The following TGIF1 variants were observed in gnomAD, a reference collection of about 807,000 sequenced individuals.
TGIF1 encodes the protein TGFB induced factor homeobox 1.
A neutral mutation model predicts 19.3 loss-of-function variants in TGIF1; 4 were observed. The observed-to-expected ratio is 0.21, with a 90% CI of 0.10 to 0.47. The LOEUF (loss-of-function observed/expected upper bound fraction) is 0.47, where lower values mean the gene tolerates loss of function less well. TGIF1 is among the 20% of genes least tolerant of loss of function. The pLI is 0.98. For missense variants in TGIF1, 275 were observed against 341.4 expected (o/e 0.81, Z 1.53); for synonymous variants, 122 against 129.3 (o/e 0.94, Z 0.38).
intron 1 of TGIF1, among the ~76,000 whole-genome samples, chr18:3,454,679 T>C (rs1451778882): frequency 6.6e-6 from 1 of 152,204 alleles, no homozygotes; most frequent in African/African-American, 2.4e-5. Context: ...AAAACCTTTT[T>C]AAAAACTTAA....
rs2049466066 is a variant in TGIF1 at position 3,459,861 on chromosome 18, A to G, written c.*1921A>G. On this transcript the variant is annotated 3_prime_UTR_variant, in exon 3 of 3. Transcript: ENST00000343820. Reference sequence around the variant, plus strand: ...TGAATGTAATCCATTATTTAAAAACAGGTACATTTAAGTGAAAAGATAAAT... The same window carrying G: ...TGAATGTAATCCATTATTTAAAAACGGGTACATTTAAGTGAAAAGATAAAT... The G allele has an allele frequency of 6.6e-6, 1 of 152,262 alleles. No homozygotes were observed. The highest frequency in any genetic ancestry group is 2.4e-5 in the African/African-American group (1 of 41,470). The allele number at this position is 152,262 out of a possible 1,614,324, so 9.4% of individuals were successfully genotyped here. A position where few individuals can be genotyped will look rare whatever the true frequency, so the allele number is the denominator to read the frequency against.
intron 2 of TGIF1, chr18:3,418,940 C>T (rs2082366601): frequency 6.6e-6 from 1 of 152,192 alleles, no homozygotes. Context: ...TGCCTGTAAT[C>T]CCATCTACTC....
chr18:3,451,342 C>T lies in TGIF1; in HGVS notation c.16+837C>T, dbSNP rs1005707094. The T allele has an allele frequency of 1.0e-6, 1 of 984,992 alleles. No homozygotes were observed. 61.0% of individuals were successfully genotyped at this position (984,992 alleles called of 1,614,324 possible). Reference sequence around the variant, plus strand: ...AGTTTGGTTTAAAAACAAAATACACCGGAGGGGGACGGGGGGTGGAGAAAC... The same window carrying T: ...AGTTTGGTTTAAAAACAAAATACACTGGAGGGGGACGGGGGGTGGAGAAAC... On this transcript the variant is annotated intron_variant, in intron 1 of 2. Transcript: ENST00000343820. This position sits in a 1 kb window ranked among gnomAD's most constrained non-coding sequence, Gnocchi z 5.4.
intron 1 of TGIF1, among the ~76,000 whole-genome samples, chr18:3,417,726 A>G (rs904281712): frequency 6.6e-6 from 1 of 152,330 alleles, no homozygotes; most frequent in East Asian, 1.9e-4. Flanking sequence ...AATTATTAAG[A>G]AATATGTTAT....
At chr18:3,430,016 C>T (rs2082526414) in intron 2 of TGIF1, among the ~76,000 whole-genome samples, 2 of 152,060 alleles carry the variant, frequency 1.3e-5, no homozygotes, top group African/African-American at 2.4e-5. Flanking sequence ...ATTAGCCAGG[C>T]GTGGTGGTGG....
At chr18:3,454,244 C>T (rs1042182975) in intron 1 of TGIF1, among the ~76,000 whole-genome samples, 1 of 152,168 alleles carries the variant, frequency 6.6e-6, no homozygotes, top group African/African-American at 2.4e-5. Flanking sequence ...TCTGAAAGAT[C>T]AGGCTTCTTG....
At chr18:3,439,417 G>A (rs1408926777) in intron 2 of TGIF1, among the ~76,000 whole-genome samples, 3 of 147,888 alleles carry the variant, frequency 2.0e-5, no homozygotes, top group South Asian at 2.2e-4. Context: ...GCAGATCTCG[G>A]CTCACCGCAA....
At chr18:3,448,448 G>C, upstream of TGIF1, 1 of 992,710 alleles carries the variant, frequency 1.0e-6, no homozygotes, top group Admixed American at 5.6e-5. Flanking sequence ...CTGCAGCCAG[G>C]TCCGGGAAGG....
intron 2 of TGIF1, chr18:3,418,579 A>C (rs1235099298): frequency 6.6e-6 from 1 of 152,234 alleles, no homozygotes; most frequent in Non-Finnish European, 1.5e-5. Context: ...GTACAGATGC[A>C]ACTATAGTAG....
rs535063283 is a variant in TGIF1, at chr18:3,458,750, G to T, written c.*810G>T. 1 of 152,266 alleles carries T rather than the reference G, an allele frequency of 6.6e-6. No individual in the cohort carries two copies. The highest frequency in any genetic ancestry group is 2.1e-4 in the South Asian group (1 of 4,824). The allele number at this position is 152,266 out of a possible 1,614,324, so 9.4% of individuals were successfully genotyped here. On this transcript the variant is annotated 3_prime_UTR_variant, in exon 3 of 3. Coordinates refer to ENST00000343820, the MANE Select transcript of TGIF1 (RefSeq NM_003244.4). ...TATAAAGAAAAGTCTTGAAGCATCC[G>T]GTTATTGCTGAGTTTTCAGAAGAAA...
intron 2 of TGIF1, among the ~76,000 whole-genome samples, chr18:3,429,789 AT>A (rs112808084): frequency 0.022 from 3,329 of 152,370 alleles, 119 homozygotes; most frequent in African/African-American, 0.075. Flanking sequence ...CAGAATCCAC[AT>A]TGCAACTAAC....
intron 2 of TGIF1, among the ~76,000 whole-genome samples, chr18:3,422,689 T>TTG (rs1568029587): frequency 3.7e-5 from 5 of 136,378 alleles, no homozygotes; most frequent in African/African-American, 1.3e-4. Context: ...TTTTTTTTTT[T>TTG]TTTTTTTTTT....
In TGIF1 at chr18:3,428,028, A is replaced by G. The variant is rs181183529; in HGVS notation, c.-45+9813A>G. On this transcript the variant is annotated intron_variant, in intron 2 of 3. Transcript: ENST00000401449. ...TCAGGTGGCCCATGAGGTTAAAACT[A>G]TTTTCCAAATAATGCATTGTTTGCC... Among the ~76,000 whole-genome samples the G allele has an allele frequency of 5.9e-5, 9 of 152,236 alleles. No individual in the cohort carries two copies. The East Asian group carries it at 1.2e-3, about 20-fold the overall frequency.
At chr18:3,447,022 T>A (rs563994346), upstream of TGIF1, among the ~76,000 whole-genome samples, 3 of 152,240 alleles carry the variant, frequency 2.0e-5, no homozygotes, top group Non-Finnish European at 4.4e-5. Flanking sequence ...TAAGTGCGTT[T>A]ATTAGTACAC....
intron 1 of TGIF1, among the ~76,000 whole-genome samples, chr18:3,416,080 T>C (rs944510558): frequency 6.6e-6 from 1 of 152,244 alleles, no homozygotes; most frequent in African/African-American, 2.4e-5. Context: ...CAAACTGGAA[T>C]GTAGAAACCA....
intron 1 of TGIF1, among the ~76,000 whole-genome samples, chr18:3,414,010 A>G (rs7229546): frequency 0.77 from 117,657 of 151,990 alleles, 45,683 homozygotes; most frequent in Admixed American, 0.82. Context: ...GAAAAAACAA[A>G]CCCAGTGAGA....
chr18:3,456,832 A>G lies in TGIF1; in HGVS notation c.243+252A>G, dbSNP rs549989504. On this transcript the variant is annotated intron_variant, in intron 2 of 2. Transcript: ENST00000343820. This position sits in a 1 kb window ranked among gnomAD's most constrained non-coding sequence, Gnocchi z 4.2. ...CTTCCTTTATGCAACAGACATTAAA[A>G]GGAGGTTAAACCTTACTCTATTGTC... 1.6e-6 allele frequency: 1 copy of G among 625,080 alleles called. No individual in the cohort carries two copies. Among genetic ancestry groups the G allele is most frequent in the African/African-American group, 1.8e-5 (1 of 54,588 alleles). 38.7% of individuals were successfully genotyped at this position (625,080 alleles called of 1,614,324 possible).
intron 1 of TGIF1, among the ~76,000 whole-genome samples, chr18:3,412,602 G>A (rs1356466577): frequency 6.6e-6 from 1 of 152,200 alleles, no homozygotes; most frequent in African/African-American, 2.4e-5. Context: ...CTAACTTGCT[G>A]CATCCTATCT....
At chr18:3,416,894 G>T (rs1485802407) in intron 1 of TGIF1, among the ~76,000 whole-genome samples, 1 of 151,894 alleles carries the variant, frequency 6.6e-6, no homozygotes, top group African/African-American at 2.4e-5. Context: ...TCATCCCATT[G>T]CACTCCAGCC....
Sources: allele counts gnomAD v4.1 joint callset (sites outside exome capture counted in the v4.1 genomes callset), GRCh38; gene constraint gnomAD v4.1.1; non-coding constraint Gnocchi (gnomAD v3.1); transcripts MANE v1.5; gene names NCBI Gene and HGNC (gene_info 2026-07-23, HGNC 2026-07-21).